Variants in MYT1L observed in about 807,000 individuals in gnomAD.
MYT1L encodes myelin transcription factor 1 like, also known as myelin transcription factor 1-like protein.
A neutral mutation model predicts 126.7 loss-of-function variants in MYT1L; 12 were observed. That is an observed-to-expected ratio of 0.09 (90% confidence interval 0.06 to 0.15). MYT1L has a LOEUF of 0.15. Among genes scored for constraint, MYT1L ranks in the 10% least tolerant of loss-of-function variants. The probability of loss-of-function intolerance (pLI) is 1.00; values close to 1 mark genes in which losing one functional copy is unlikely to be tolerated. For missense variants in MYT1L, 979 were observed against 1,585.2 expected (o/e 0.62, Z 6.49); for synonymous variants, 541 against 604.2 (o/e 0.90, Z 1.53).
At chr2:2,057,620 AC>A (rs2150127936) in intron 3 of MYT1L, among the ~76,000 whole-genome samples, 1 of 152,124 alleles carries the variant, frequency 6.6e-6, no homozygotes. Flanking sequence ...CAACTCTCCT[AC>A]CCTGAACTCC....
At chr2:2,093,497 A>G (rs978883745) in intron 3 of MYT1L, among the ~76,000 whole-genome samples, 2 of 151,488 alleles carry the variant, frequency 1.3e-5, no homozygotes, top group Non-Finnish European at 2.9e-5. Flanking sequence ...TCTTTTGAGA[A>G]GTGTCTGTTC....
chr2:2,203,383 G>GCCCCAAGT (rs1403355074), intron 2 of MYT1L, among the ~76,000 whole-genome samples: 1 of 127,882 alleles, frequency 7.8e-6, no homozygotes, highest in Non-Finnish European at 1.7e-5. Flanking sequence ...CATCGTCTCA[G>GCCCCAAGT]CTCCTTAAGC....
rs143307555 is a variant in MYT1L, at chr2:1,953,931, G to A, written c.153-10597C>T. 3.9e-5 allele frequency among the ~76,000 whole-genome samples: 6 copies of A among 152,290 alleles called. No individual in the cohort carries two copies. In the East Asian group the frequency reaches 1.2e-3, roughly 29 times the overall value. On this transcript the variant is annotated intron_variant, in intron 8 of 24. Coordinates refer to ENST00000647738, the MANE Select transcript of MYT1L (RefSeq NM_001303052.2). ...TAAGCTGCTGTATGAATATATTCAG[G>A]TTACCAGGGTGCTCTTTAAGTGATG...
chr2:1,865,485 T>C (rs553629421), intron 18 of MYT1L, among the ~76,000 whole-genome samples: 1 of 152,208 alleles, frequency 6.6e-6, no homozygotes, highest in Non-Finnish European at 1.5e-5. Context: ...AGTTTCTGCA[T>C]CTGTAAAATA....
At chr2:2,021,794 G>C (rs1244026585) in intron 4 of MYT1L, among the ~76,000 whole-genome samples, 2 of 152,286 alleles carry the variant, frequency 1.3e-5, no homozygotes, top group Admixed American at 6.5e-5. Flanking sequence ...CTACTCAGGA[G>C]GCTGAGGCAG....
At chr2:2,286,477 T>C (rs1282649150) in intron 1 of MYT1L, among the ~76,000 whole-genome samples, 1 of 152,206 alleles carries the variant, frequency 6.6e-6, no homozygotes, top group Non-Finnish European at 1.5e-5. Flanking sequence ...GTAATGCAGA[T>C]ATCAAGTTTC....
intron 2 of MYT1L, among the ~76,000 whole-genome samples, chr2:2,225,911 A>C (rs543769997): frequency 6.6e-6 from 1 of 152,244 alleles, no homozygotes; most frequent in South Asian, 2.1e-4. Flanking sequence ...CAGATGAGAA[A>C]ACTGCCACGA....
At chr2:1,860,059 T>G (rs1273473671) in intron 18 of MYT1L, among the ~76,000 whole-genome samples, 1 of 152,200 alleles carries the variant, frequency 6.6e-6, no homozygotes, top group East Asian at 1.9e-4. Context: ...CCCTCTGTGT[T>G]GATCATGCTG....
intron 18 of MYT1L, among the ~76,000 whole-genome samples, chr2:1,880,350 C>G (rs1299697016): frequency 6.6e-6 from 1 of 152,128 alleles, no homozygotes; most frequent in Non-Finnish European, 1.5e-5. Context: ...TTTATTTTTA[C>G]TTTTCGAGAC....
At chr2:1,975,215 A>C (rs1053477301) in intron 8 of MYT1L, among the ~76,000 whole-genome samples, 1 of 151,942 alleles carries the variant, frequency 6.6e-6, no homozygotes, top group Non-Finnish European at 1.5e-5. Flanking sequence ...GACCCAGAAC[A>C]CCACTGAGGA....
chr2:2,327,319 AG>A (rs2096255085), intron 1 of MYT1L, among the ~76,000 whole-genome samples: 2 of 152,162 alleles, frequency 1.3e-5, no homozygotes, highest in Admixed American at 1.3e-4. Flanking sequence ...TTTGTTTGGA[AG>A]AAATGCAGAT....
At chr2:2,005,790 TCTTTCCTGTGTGC>T (rs1168981153) in intron 4 of MYT1L, among the ~76,000 whole-genome samples, 22 of 151,040 alleles carry the variant, frequency 1.5e-4, no homozygotes, top group African/African-American at 4.6e-4. Context: ...CTGTGTGCGT[TCTTTCCTGTGTGC>T]CTTTCCTGCA....
At position 1,952,772 on chromosome 2, in the gene MYT1L, TTCC is replaced by T. The variant is rs1363838888; in HGVS notation, c.153-9441_153-9439del. ...TCCCTCCCTTCCCTCCTTCCCTCCC[TTCC>T]CTCCTTTCCTCCCTTCCCTCCTTCT... is the stretch of plus-strand genomic sequence containing the variant. On this transcript the variant is annotated intron_variant, in intron 8 of 24. Coordinates refer to ENST00000647738, the MANE Select transcript of MYT1L (RefSeq NM_001303052.2). 2.4e-4 allele frequency among the ~76,000 whole-genome samples: 17 copies of T among 71,742 alleles called. 1 individual carries two copies. The highest frequency in any genetic ancestry group is 3.5e-4 in the Non-Finnish European group (13 of 37,074). The allele number at this position is 71,742 out of a possible 152,430, so 47.1% of individuals were successfully genotyped here. A position where few individuals can be genotyped will look rare whatever the true frequency, so the allele number is the denominator to read the frequency against.
intron 18 of MYT1L, among the ~76,000 whole-genome samples, chr2:1,868,804 G>C (rs1408784700): frequency 1.3e-5 from 2 of 152,170 alleles, no homozygotes; most frequent in African/African-American, 4.8e-5. Flanking sequence ...TGGTTCTACC[G>C]TGTGCAGGAA....
intron 14 of MYT1L, among the ~76,000 whole-genome samples, chr2:1,900,515 G>T (rs1394372969): frequency 6.6e-6 from 1 of 152,166 alleles, no homozygotes; most frequent in Non-Finnish European, 1.5e-5. Flanking sequence ...TAGCCAGGAT[G>T]GTCTTGATCT....
chr2:1,816,342 G>A (rs1458853053), intron 21 of MYT1L: 2 of 152,656 alleles, frequency 1.3e-5, no homozygotes, highest in South Asian at 2.1e-4. Context: ...CAGGCCCCGC[G>A]GATAGCAGTT....
rs561320368 is a variant in MYT1L, at chr2:1,806,215, G to A, written c.3172+2861C>T. Among the ~76,000 whole-genome samples the A allele has an allele frequency of 2.0e-5, 3 of 152,144 alleles. No individual in the cohort carries two copies. Among genetic ancestry groups the A allele is most frequent in the Non-Finnish European group, 2.9e-5 (2 of 68,022 alleles). The stretch of plus-strand genomic sequence containing the variant: ...TTTGGTGCAAACAGTGTCAGGAATC[G>A]ACAGCCCCAGGCATCAGCACACACT... On this transcript the variant is annotated intron_variant, in intron 22 of 24. Coordinates refer to ENST00000647738, the MANE Select transcript of MYT1L (RefSeq NM_001303052.2). This position sits in a 1 kb window ranked among gnomAD's most constrained non-coding sequence, Gnocchi z 4.9.
chr2:1,979,065 C>T lies in MYT1L; in HGVS notation c.152+100G>A, dbSNP rs543247697. ...GAAAAAGAAGGCATAATGTGTATTG[C>T]TTTCCAAGAACACCTGCTCACACAG... On this transcript the variant is annotated intron_variant, in intron 8 of 24. Coordinates refer to ENST00000647738, the MANE Select transcript of MYT1L (RefSeq NM_001303052.2). This position sits in a 1 kb window ranked among gnomAD's most constrained non-coding sequence, Gnocchi z 4.0. 4.2e-6 allele frequency: 4 copies of T among 941,528 alleles called. No homozygotes were observed. The highest frequency in any genetic ancestry group is 6.6e-6 in the Non-Finnish European group (4 of 602,994). The allele number at this position is 941,528 out of a possible 1,614,324, so 58.3% of individuals were successfully genotyped here.
intron 4 of MYT1L, among the ~76,000 whole-genome samples, chr2:2,018,226 C>T (rs1206888313): frequency 6.6e-5 from 10 of 152,162 alleles, no homozygotes; most frequent in Non-Finnish European, 1.2e-4. Flanking sequence ...CAGAATAAGA[C>T]CTTCTTGCCT....
Sources: allele counts gnomAD v4.1 joint callset (sites outside exome capture counted in the v4.1 genomes callset), GRCh38; gene constraint gnomAD v4.1.1; non-coding constraint Gnocchi (gnomAD v3.1); transcripts MANE v1.5; gene names NCBI Gene and HGNC (gene_info 2026-07-23, HGNC 2026-07-21).